ZNF469: variants seen among roughly 807,000 people sequenced by gnomAD.
ZNF469 encodes zinc finger protein 469.
A neutral mutation model predicts 1.0 loss-of-function variants in ZNF469; 1 was observed. The observed-to-expected ratio is 1.00, with a 90% CI of 0.35 to 4.73. The LOEUF (loss-of-function observed/expected upper bound fraction) is 4.73. Among genes scored for constraint, ZNF469 ranks in the 30% most tolerant of loss-of-function variants. The pLI, the probability that ZNF469 is intolerant of heterozygous loss-of-function variation, is 0.16. For synonymous variants in ZNF469, 2,703 were observed against 2,363.4 expected (o/e 1.14, Z -4.17); for missense variants, 6,100 against 5,356.3 (o/e 1.14, Z -4.33).
the ZNF469 span, among the ~76,000 whole-genome samples, chr16:88,160,220 C>T: frequency 2.0e-5 from 3 of 152,204 alleles, no homozygotes; most frequent in Non-Finnish European, 4.4e-5. Context: ...CTGTCGCTTG[C>T]CAATCTCCCT....
chr16:88,300,987 C>A, the ZNF469 span, among the ~76,000 whole-genome samples: 1 of 151,916 alleles, frequency 6.6e-6, no homozygotes, highest in Admixed American at 6.6e-5. Context: ...ATCCATTGAA[C>A]CTGTGAGGCA....
At chr16:88,122,616 A>C in the ZNF469 span, among the ~76,000 whole-genome samples, 1 of 152,086 alleles carries the variant, frequency 6.6e-6, no homozygotes, top group Admixed American at 6.6e-5. Context: ...TAAAATAAGA[A>C]GGTCAAGCAT....
chr16:88,298,070 T>C, the ZNF469 span, among the ~76,000 whole-genome samples: 2 of 152,238 alleles, frequency 1.3e-5, no homozygotes, highest in Non-Finnish European at 2.9e-5. Context: ...TTTCAGTTTA[T>C]GAATGGCACA....
the ZNF469 span, among the ~76,000 whole-genome samples, chr16:88,124,899 C>T: frequency 9.2e-5 from 14 of 152,314 alleles, no homozygotes; most frequent in South Asian, 2.1e-4. Context: ...TAGAAGTTTT[C>T]GATGTTTAAT....
the ZNF469 span, among the ~76,000 whole-genome samples, chr16:88,106,244 C>G: frequency 1.3e-5 from 2 of 152,214 alleles, no homozygotes; most frequent in East Asian, 3.9e-4. Context: ...AGAACTGTGA[C>G]GGCCCCTCCT....
At chr16:88,377,355 C>T in the ZNF469 span, among the ~76,000 whole-genome samples, 1 of 152,226 alleles carries the variant, frequency 6.6e-6, no homozygotes, top group Non-Finnish European at 1.5e-5. Context: ...CTTCCGGCTA[C>T]TCTCCCGCTG....
the ZNF469 span, among the ~76,000 whole-genome samples, chr16:88,274,856 G>T: frequency 6.6e-6 from 1 of 152,240 alleles, no homozygotes; most frequent in Non-Finnish European, 1.5e-5. Context: ...GACATGGTTC[G>T]CAGACGGACA....
chr16:88,329,975 G>T, the ZNF469 span, among the ~76,000 whole-genome samples: 1 of 152,224 alleles, frequency 6.6e-6, no homozygotes, highest in Non-Finnish European at 1.5e-5. Context: ...CTGGGCACAG[G>T]GTGCCTGGGT....
In ZNF469 at chr16:88,431,826, C is replaced by T; in HGVS notation, c.4356C>T (p.Ser1452=). Residue 1452 remains serine (S), a synonymous_variant, in exon 3 of 3, where the codon TCC becomes TCT. Transcript: ENST00000565624. ...CTGCATCGCCACCGACCTTGGAGTC[C>T]TCATCCCTCTTCCCAGACCTGCCGG... The part of the protein sequence containing the change: ...GRAASPPTLE[S]SSLFPDLPVD... 6.5e-7 allele frequency: 1 copy of T among 1,549,792 alleles called. No individual in the cohort carries two copies. The highest frequency in any genetic ancestry group is 8.7e-7 in the Non-Finnish European group (1 of 1,146,936).
the ZNF469 span, among the ~76,000 whole-genome samples, chr16:88,109,764 C>T: frequency 1.3e-5 from 2 of 148,942 alleles, no homozygotes; most frequent in Non-Finnish European, 3.0e-5. Flanking sequence ...GTCTCCTCTC[C>T]GGGATCAGGA....
chr16:88,282,071 G>T, the ZNF469 span, among the ~76,000 whole-genome samples: 1 of 152,096 alleles, frequency 6.6e-6, no homozygotes, highest in Non-Finnish European at 1.5e-5. Flanking sequence ...GGGTTGGTAT[G>T]AGCTGGCATT....
chr16:88,397,428 A>G (rs1167449792), intron 1 of ZNF469, among the ~76,000 whole-genome samples: 1 of 152,074 alleles, frequency 6.6e-6, no homozygotes, highest in Middle Eastern at 3.2e-3. Flanking sequence ...CCCAGCTAAG[A>G]AGACTGCTGA....
At chr16:88,109,313 C>T in the ZNF469 span, among the ~76,000 whole-genome samples, 453 of 152,342 alleles carry the variant, frequency 3.0e-3, 3 homozygotes, top group African/African-American at 0.01. Flanking sequence ...CAGTGGCTCC[C>T]CCTGTCCAGG....
chr16:88,380,557 TCACA>T (rs374378842), upstream of ZNF469, among the ~76,000 whole-genome samples: 11 of 105,798 alleles, frequency 1.0e-4, no homozygotes, highest in African/African-American at 1.4e-4. Flanking sequence ...AGACATGCAC[TCACA>T]CACAGACGCC....
At chr16:88,322,125 G>A in the ZNF469 span, among the ~76,000 whole-genome samples, 1 of 152,250 alleles carries the variant, frequency 6.6e-6, no homozygotes, top group Non-Finnish European at 1.5e-5. Flanking sequence ...CACGGCAGGA[G>A]GTGCCGCCTG....
At chr16:88,238,825 G>A in the ZNF469 span, among the ~76,000 whole-genome samples, 3 of 152,358 alleles carry the variant, frequency 2.0e-5, no homozygotes, top group East Asian at 3.9e-4. Context: ...GTTGAGAAGA[G>A]CAGGCGCCTC....
the ZNF469 span, among the ~76,000 whole-genome samples, chr16:88,197,723 C>T: frequency 5.9e-5 from 9 of 152,348 alleles, no homozygotes; most frequent in Admixed American, 2.0e-4. Flanking sequence ...TGCCATCATT[C>T]GCAGGCCCCC....
chr16:88,332,549 G>A, the ZNF469 span, among the ~76,000 whole-genome samples: 2 of 152,264 alleles, frequency 1.3e-5, no homozygotes, highest in Non-Finnish European at 2.9e-5. Context: ...CTGACTTGCA[G>A]GTTTGGGCCA....
chr16:88,422,714 G>A lies in ZNF469; in HGVS notation c.-191-2093G>A, dbSNP rs1054972371. Among the ~76,000 whole-genome samples, 4 of 146,954 alleles carry A rather than the reference G, an allele frequency of 2.7e-5. No homozygotes were observed. In the Admixed American group the frequency reaches 2.7e-4, roughly 10 times the overall value. On this transcript the variant is annotated intron_variant, in intron 1 of 2. Transcript: ENST00000565624. Reference sequence around the variant, plus strand: ...TGGGTGGGTGATACATGAGTGGGTGGATGGATGGATGGATAATGATGATGG... The same window carrying A: ...TGGGTGGGTGATACATGAGTGGGTGAATGGATGGATGGATAATGATGATGG...
Sources: allele counts gnomAD v4.1 joint callset (sites outside exome capture counted in the v4.1 genomes callset), GRCh38; gene constraint gnomAD v4.1.1; transcripts MANE v1.5; gene names NCBI Gene and HGNC (gene_info 2026-07-23, HGNC 2026-07-21).